OLFM2: variants seen among roughly 807,000 people sequenced by gnomAD.
OLFM2 encodes olfactomedin 2.
In OLFM2, 20 loss-of-function variants were observed where a neutral mutation model predicts 43.9. The ratio of observed to expected loss-of-function variants is 0.46; its 90% CI spans 0.32 to 0.66. The LOEUF is 0.66. OLFM2 is among the 30% of genes least tolerant of loss of function. OLFM2 has a pLI of 0.04. For missense variants in OLFM2, 416 were observed against 643.6 expected (o/e 0.65, Z 3.83); for synonymous variants, 268 against 278.6 (o/e 0.96, Z 0.38).
chr19:9,890,665 G>A (rs1281491637), intron 1 of OLFM2, among the ~76,000 whole-genome samples: 1 of 152,122 alleles, frequency 6.6e-6, no homozygotes. Context: ...TTTAAGAGCC[G>A]GTGTGGACCA....
At chr19:9,915,921 G>A (rs923335820) in intron 1 of OLFM2, among the ~76,000 whole-genome samples, 1 of 152,242 alleles carries the variant, frequency 6.6e-6, no homozygotes, top group Admixed American at 6.5e-5. Context: ...CAAAGGCCCT[G>A]GGGCAGGAGT....
intron 1 of OLFM2, among the ~76,000 whole-genome samples, chr19:9,883,208 T>TA (rs2046555829): frequency 6.6e-5 from 1 of 15,190 alleles, no homozygotes; most frequent in Admixed American, 6.9e-4. Context: ...AGACTCCATC[T>TA]CAAAAAAAAA....
intron 1 of OLFM2, among the ~76,000 whole-genome samples, chr19:9,931,316 G>A (rs529723718): frequency 6.6e-6 from 1 of 152,268 alleles, no homozygotes; most frequent in Admixed American, 6.5e-5. Flanking sequence ...GTAGTGCAAT[G>A]ATAGCTCACT....
Position 9,893,477 on chromosome 19 carries a change from T to C in OLFM2, c.64-32683A>G, listed in dbSNP as rs562132243. Among the ~76,000 whole-genome samples the C allele has an allele frequency of 5.3e-5, 8 of 152,190 alleles. No individual in the cohort carries two copies. The South Asian group carries it at 1.7e-3, about 32-fold the overall frequency. ...ACCGCACCCGGCCAATCATGGAGCATCTTAACACCTTGGGGATGTATCTGT... is the reference window on the plus strand; with the variant it reads ...ACCGCACCCGGCCAATCATGGAGCACCTTAACACCTTGGGGATGTATCTGT... On this transcript the variant is annotated intron_variant, in intron 1 of 5. Transcript: ENST00000264833.
In OLFM2 at chr19:9,861,204, T is replaced by G. The variant is rs958693629; in HGVS notation, c.64-410A>C. The stretch of plus-strand genomic sequence containing the variant: ...GGAGCTATCTCAGGGCCACTTAATG[T>G]TTTTTTTTTTTTTTGGTTTGTTTTT... On this transcript the variant is annotated intron_variant, in intron 1 of 5. Transcript: ENST00000264833. Among the ~76,000 whole-genome samples, 20 of 92,564 alleles carry G rather than the reference T, an allele frequency of 2.2e-4. No homozygotes were observed. In the South Asian group the frequency reaches 2.3e-3, roughly 11 times the overall value. 60.7% of individuals were successfully genotyped at this position (92,564 alleles called of 152,430 possible). A position where few individuals can be genotyped will look rare whatever the true frequency, so the allele number is the denominator to read the frequency against.
rs1384782554 is a variant in OLFM2, at chr19:9,854,936, C to T, written c.688-73G>A. ...CAAGGGTCCCAGCACCAGCTACAGC[C>T]ATTAGAGTTCAACAGTCACTAAGTG... On this transcript the variant is annotated intron_variant, in intron 5 of 5. Transcript: ENST00000264833. The surrounding 1 kb of genome is among the most constrained non-coding windows in gnomAD (Gnocchi z 9.5). 3.4e-6 allele frequency: 4 copies of T among 1,184,198 alleles called. No homozygotes were observed. Among genetic ancestry groups the T allele is most frequent in the African/African-American group, 1.5e-5 (1 of 64,726 alleles). The allele number at this position is 1,184,198 out of a possible 1,614,324, so 73.4% of individuals were successfully genotyped here.
At chr19:9,914,214 G>A (rs2046856859) in intron 1 of OLFM2, among the ~76,000 whole-genome samples, 1 of 152,132 alleles carries the variant, frequency 6.6e-6, no homozygotes, top group African/African-American at 2.4e-5. Flanking sequence ...AGACGGCAGG[G>A]GGCCGGAGTC....
At chr19:9,923,547 A>AC (rs919519309) in intron 1 of OLFM2, among the ~76,000 whole-genome samples, 84 of 148,676 alleles carry the variant, frequency 5.6e-4, no homozygotes, top group African/African-American at 2.0e-3. Context: ...ACAAAGTGAG[A>AC]CTGTCTCAGG....
At chr19:9,886,909 C>G (rs1344144991) in intron 1 of OLFM2, among the ~76,000 whole-genome samples, 1 of 152,036 alleles carries the variant, frequency 6.6e-6, no homozygotes, top group Non-Finnish European at 1.5e-5. Context: ...GTCTCAAACT[C>G]CTGACCTCAG....
At chr19:9,936,075 G>T (rs1230453876) in intron 1 of OLFM2, among the ~76,000 whole-genome samples, 1 of 151,462 alleles carries the variant, frequency 6.6e-6, no homozygotes, top group African/African-American at 2.4e-5. Flanking sequence ...CCCCAAAGAC[G>T]CCACCCCCCA....
At chr19:9,860,089 C>G (rs1431091692) in intron 2 of OLFM2, among the ~76,000 whole-genome samples, 1 of 151,540 alleles carries the variant, frequency 6.6e-6, no homozygotes, top group African/African-American at 2.4e-5. Flanking sequence ...TTGCGGTGAG[C>G]TGAGATCGCG....
chr19:9,935,082 G>C (rs556068564), intron 1 of OLFM2, among the ~76,000 whole-genome samples: 2 of 152,236 alleles, frequency 1.3e-5, no homozygotes, highest in South Asian at 2.1e-4. Flanking sequence ...TCGAGCTTGA[G>C]CAAGTGATTT....
chr19:9,913,669 C>T, intron 1 of OLFM2: 1 of 1,140,846 alleles, frequency 8.8e-7, no homozygotes, highest in Non-Finnish European at 1.1e-6. Flanking sequence ...CCTTCTCTGG[C>T]CCGCCGCGGG....
At chr19:9,861,461 G>A (rs1024034722) in intron 1 of OLFM2, among the ~76,000 whole-genome samples, 2 of 152,110 alleles carry the variant, frequency 1.3e-5, no homozygotes, top group African/African-American at 4.8e-5. Flanking sequence ...ACCGTGCCCG[G>A]CCATCAGGGC....
At chr19:9,934,409 C>A (rs1176152032) in intron 1 of OLFM2, among the ~76,000 whole-genome samples, 5 of 152,186 alleles carry the variant, frequency 3.3e-5, no homozygotes, top group Non-Finnish European at 7.4e-5. Flanking sequence ...TCCCTCCCAG[C>A]CCTGGGGGCT....
At chr19:9,919,174 C>CTT (rs201501920) in intron 1 of OLFM2, among the ~76,000 whole-genome samples, 44 of 123,150 alleles carry the variant, frequency 3.6e-4, no homozygotes, top group Middle Eastern at 4.1e-3. Flanking sequence ...TCATTTCTCT[C>CTT]TCTTTTTTTT....
intron 1 of OLFM2, among the ~76,000 whole-genome samples, chr19:9,906,051 G>A (rs1324290387): frequency 6.6e-6 from 1 of 152,054 alleles, no homozygotes. Flanking sequence ...ATGAAGACAC[G>A]CTCAAACATG....
chr19:9,902,090 G>A lies in OLFM2; in HGVS notation c.63+34214C>T, dbSNP rs1012968984. Among the ~76,000 whole-genome samples the A allele has an allele frequency of 1.5e-4, 23 of 152,096 alleles. 1 individual carries two copies. The highest frequency in any genetic ancestry group is 1.5e-3 in the South Asian group (7 of 4,820). ...GTCACCCAGGCTGGAGTGCAGTGGC[G>A]TGATCTCGGCTCACTGCAAGCTCTG... On this transcript the variant is annotated intron_variant, in intron 1 of 5. Transcript: ENST00000264833.
rs199535451 is a variant in OLFM2, at chr19:9,878,423, CTT to C, written c.64-17631_64-17630del. Among the ~76,000 whole-genome samples, 946 of 105,216 alleles carry C rather than the reference CTT, an allele frequency of 9.0e-3. 10 individuals are homozygous for C. Among genetic ancestry groups the C allele is most frequent in the African/African-American group, 0.033 (892 of 26,690 alleles). The allele number at this position is 105,216 out of a possible 152,430, so 69.0% of individuals were successfully genotyped here. On this transcript the variant is annotated intron_variant, in intron 1 of 5. Transcript: ENST00000264833. ...TTTTTTTTTGAGATGGAGTTTCACTCTTGTCACCCGGGCTGGAGTGCAATGGC... is the reference window on the plus strand; with the variant it reads ...TTTTTTTTTGAGATGGAGTTTCACTCGTCACCCGGGCTGGAGTGCAATGGC...
Sources: allele counts gnomAD v4.1 joint callset (sites outside exome capture counted in the v4.1 genomes callset), GRCh38; gene constraint gnomAD v4.1.1; non-coding constraint Gnocchi (gnomAD v3.1); transcripts MANE v1.5; gene names NCBI Gene and HGNC (gene_info 2026-07-23, HGNC 2026-07-21).